The following FRMD4B variants were observed in gnomAD, a reference collection of about 807,000 sequenced individuals.
FRMD4B encodes the protein FERM domain-containing protein 4B.
A neutral mutation model predicts 141.5 loss-of-function variants in FRMD4B; 74 were observed. The ratio of observed to expected loss-of-function variants is 0.52; its 90% CI spans 0.43 to 0.63. The LOEUF is 0.63. Ranked by LOEUF, FRMD4B falls within the 30% of genes least tolerant of loss-of-function variation. The pLI, the probability that FRMD4B is intolerant of heterozygous loss-of-function variation, is 0.00. For missense variants in FRMD4B, 1,366 were observed against 1,253.4 expected, an observed-to-expected ratio of 1.09 and a Z score of -1.36; for synonymous variants, 506 against 467.9, an observed-to-expected ratio of 1.08 and a Z score of -1.05.
At chr3:69,229,024 T>TG (rs965042620) in intron 7 of FRMD4B, among the ~76,000 whole-genome samples, 2 of 149,258 alleles carry the variant, frequency 1.3e-5, no homozygotes, top group Non-Finnish European at 1.5e-5. Context: ...TGTTTTTTTT[T>TG]TTTTTTTTGT....
chr3:69,313,026 G>A (rs1701653965), intron 2 of FRMD4B, among the ~76,000 whole-genome samples: 1 of 152,176 alleles, frequency 6.6e-6, no homozygotes, highest in Admixed American at 6.5e-5. Flanking sequence ...CACAGCTAAT[G>A]AAACTGGGTA....
chr3:69,514,850 A>G (rs1332595354), intron 1 of FRMD4B, among the ~76,000 whole-genome samples: 2 of 152,224 alleles, frequency 1.3e-5, no homozygotes, highest in African/African-American at 4.8e-5. Flanking sequence ...TTTTGAAGAA[A>G]TAGAAAAATC....
chr3:69,477,122 T>C (rs1002592310), intron 1 of FRMD4B, among the ~76,000 whole-genome samples: 7 of 152,216 alleles, frequency 4.6e-5, no homozygotes, highest in Non-Finnish European at 1.0e-4. Flanking sequence ...GATGGGGTTT[T>C]CTAGATACAC....
intron 1 of FRMD4B, among the ~76,000 whole-genome samples, chr3:69,486,272 C>T (rs1559542578): frequency 6.6e-6 from 1 of 152,168 alleles, no homozygotes; most frequent in Non-Finnish European, 1.5e-5. Flanking sequence ...TTTTTGGTTA[C>T]ATGAGTAAGT....
chr3:69,511,236 T>C (rs1475259351), intron 1 of FRMD4B, among the ~76,000 whole-genome samples: 3 of 152,064 alleles, frequency 2.0e-5, no homozygotes, highest in East Asian at 1.9e-4. Context: ...TCATTTTTTT[T>C]CCCTAAGGCA....
chr3:69,196,227 T>G, intron 14 of FRMD4B, 28 bp downstream of exon 14: 1 of 1,537,872 alleles, frequency 6.5e-7, no homozygotes, highest in South Asian at 1.2e-5. Context: ...AAAGATGGCT[T>G]GCACGTTCTC....
chr3:69,434,398 G>C (rs1705229002), intron 1 of FRMD4B, among the ~76,000 whole-genome samples: 1 of 152,184 alleles, frequency 6.6e-6, no homozygotes, highest in African/African-American at 2.4e-5. Flanking sequence ...AGGAAACCAA[G>C]TCAGGGAAAT....
chr3:69,211,023 G>GGA (rs1553702080), intron 11 of FRMD4B, among the ~76,000 whole-genome samples: 1 of 85,838 alleles, frequency 1.2e-5, no homozygotes, highest in African/African-American at 4.6e-5. Flanking sequence ...ATGCCATCTC[G>GGA]AAAAAAAAAA....
chr3:69,335,067 T>C (rs1702497382), intron 1 of FRMD4B, among the ~76,000 whole-genome samples: 1 of 152,204 alleles, frequency 6.6e-6, no homozygotes, highest in East Asian at 1.9e-4. Flanking sequence ...AAGGATCGCT[T>C]GAGCCCAGGA....
intron 7 of FRMD4B, among the ~76,000 whole-genome samples, chr3:69,247,617 G>C (rs1409344968): frequency 2.6e-5 from 4 of 152,118 alleles, no homozygotes; most frequent in African/African-American, 9.7e-5. Flanking sequence ...CTCCTGAGTA[G>C]CTGGGATTAC....
chr3:69,259,001 T>C (rs1470482984), intron 5 of FRMD4B, among the ~76,000 whole-genome samples: 2 of 152,204 alleles, frequency 1.3e-5, no homozygotes, highest in Non-Finnish European at 2.9e-5. Context: ...GGTTTCGGGA[T>C]AATTCAAGTA....
At chr3:69,300,386 G>A (rs1048987773) in intron 4 of FRMD4B, among the ~76,000 whole-genome samples, 1 of 152,224 alleles carries the variant, frequency 6.6e-6, no homozygotes, top group African/African-American at 2.4e-5. Flanking sequence ...GTAATGCGAA[G>A]TGATTAGGGG....
chr3:69,176,725 C>T, intron 21 of FRMD4B, 69 bp from the exon 22 acceptor site: 3 of 957,614 alleles, frequency 3.1e-6, no homozygotes, highest in Non-Finnish European at 4.9e-6. Flanking sequence ...TAAGGTCATT[C>T]AGAGGTACAT....
At chr3:69,510,929 G>C (rs1006160092) in intron 1 of FRMD4B, among the ~76,000 whole-genome samples, 1 of 152,170 alleles carries the variant, frequency 6.6e-6, no homozygotes, top group African/African-American at 2.4e-5. Flanking sequence ...TCTTATAGTT[G>C]ACCAATAAAT....
chr3:69,324,023 A>G (rs1030427097), intron 1 of FRMD4B, among the ~76,000 whole-genome samples: 1 of 152,164 alleles, frequency 6.6e-6, no homozygotes, highest in Non-Finnish European at 1.5e-5. Context: ...GCAAGGCCAG[A>G]AGAAGAGAAA....
At chr3:69,240,195 A>G (rs1487837220) in intron 7 of FRMD4B, among the ~76,000 whole-genome samples, 4 of 152,290 alleles carry the variant, frequency 2.6e-5, no homozygotes, top group African/African-American at 7.2e-5. Context: ...TAGAGTTAGA[A>G]AAAGGATACA....
chr3:69,363,760 T>C (rs1175493942), intron 1 of FRMD4B, among the ~76,000 whole-genome samples: 1 of 152,174 alleles, frequency 6.6e-6, no homozygotes, highest in Non-Finnish European at 1.5e-5. Flanking sequence ...CTGGGTCCTA[T>C]GTTTACCCTT....
intron 11 of FRMD4B, among the ~76,000 whole-genome samples, chr3:69,209,363 A>T (rs1399469571): frequency 1.3e-5 from 2 of 152,160 alleles, no homozygotes; most frequent in Non-Finnish European, 2.9e-5. Flanking sequence ...AATTGCGATC[A>T]ACTATGGGAG....
At chr3:69,511,290 T>C (rs1706682438) in intron 1 of FRMD4B, among the ~76,000 whole-genome samples, 1 of 152,198 alleles carries the variant, frequency 6.6e-6, no homozygotes, top group Non-Finnish European at 1.5e-5. Flanking sequence ...TAAAAATCTT[T>C]TTAAACTGAA....
Sources: allele counts gnomAD v4.1 joint callset (sites outside exome capture counted in the v4.1 genomes callset), GRCh38; gene constraint gnomAD v4.1.1; transcripts MANE v1.5; gene names NCBI Gene and HGNC (gene_info 2026-07-23, HGNC 2026-07-21).